Variants in SYNE1 observed in about 807,000 individuals in gnomAD.
The protein encoded by SYNE1 is spectrin repeat containing nuclear envelope protein 1, also known as nesprin-1.
In SYNE1, 616 loss-of-function variants were observed where a neutral mutation model predicts 1,111.0. That is an observed-to-expected ratio of 0.55 (90% CI 0.52 to 0.59). SYNE1 has a LOEUF of 0.59. Among genes scored for constraint, SYNE1 ranks in the 20% least tolerant of loss-of-function variants. The pLI is 0.00. For synonymous variants in SYNE1, 3,855 were observed against 3,825.8 expected (o/e 1.01, Z -0.28); for missense variants, 10,006 against 10,417.0 (o/e 0.96, Z 1.72).
chr6:152,491,610 T>C (rs983790937), intron 11 of SYNE1, among the ~76,000 whole-genome samples: 1 of 152,170 alleles, frequency 6.6e-6, no homozygotes, highest in African/African-American at 2.4e-5. Flanking sequence ...AAAACAGCAC[T>C]TTTGATTTCT....
At chr6:152,397,612 T>A in intron 49 of SYNE1, among the ~76,000 whole-genome samples, 1 of 152,190 alleles carries the variant, frequency 6.6e-6, no homozygotes. Flanking sequence ...ACTATAACGA[T>A]CTTTCTATCG....
intron 126 of SYNE1, 140 bp downstream of exon 126, chr6:152,206,028 A>G: frequency 1.0e-6 from 1 of 982,958 alleles, no homozygotes; most frequent in South Asian, 1.5e-5. Flanking sequence ...ACAAAGTCTT[A>G]AATAAAACAC....
intron 98 of SYNE1, chr6:152,277,644 CTT>C (rs952605273): frequency 1.1e-4 from 24 of 222,546 alleles, no homozygotes; most frequent in Middle Eastern, 1.8e-3. Flanking sequence ...AACGTGTAAA[CTT>C]ATTATTTTTC....
intron 70 of SYNE1, 78 bp downstream of exon 70, chr6:152,351,949 A>T (rs1366099047): frequency 1.5e-5 from 20 of 1,366,310 alleles, no homozygotes; most frequent in Non-Finnish European, 2.1e-5. Context: ...TACGGGTGAC[A>T]CCCAGCAAGA....
rs148030804 is a variant in SYNE1, at chr6:152,427,848, T to C, written c.4977-32A>G. On this transcript the variant is annotated intron_variant, in intron 37 of 145. Transcript: ENST00000367255. ...GAAGCAGAGAGCAGAAACAAATTTA[T>C]TGAAAATTATCATGCTAGCAGATTA... 646 of 1,613,724 alleles carry C rather than the reference T, an allele frequency of 4.0e-4. 4 individuals are homozygous for C. In the Admixed American group the frequency reaches 9.5e-3, roughly 24 times the overall value.
In SYNE1 at chr6:152,430,666, CCT is replaced by C; in HGVS notation, c.4503_4504del (p.Gly1502IlefsTer21). 1 of 1,614,078 alleles carries C rather than the reference CCT, an allele frequency of 6.2e-7. No homozygotes were observed. Among genetic ancestry groups the C allele is most frequent in the Non-Finnish European group, 8.5e-7 (1 of 1,179,982 alleles). On this transcript the variant is annotated frameshift_variant, in exon 35 of 146. Coordinates refer to ENST00000367255, the MANE Select transcript of SYNE1 (RefSeq NM_182961.4). LOFTEE classifies it high-confidence loss of function. ...AAAAGACTGGGCTTCTTCTTCTAATCCTACAATGCTGCTGAGCTTACTTTCTA... is the reference window on the plus strand; with the variant it reads ...AAAAGACTGGGCTTCTTCTTCTAATCACAATGCTGCTGAGCTTACTTTCTA...
chr6:152,351,492 T>C (rs1173820254), intron 70 of SYNE1, among the ~76,000 whole-genome samples: 1 of 152,266 alleles, frequency 6.6e-6, no homozygotes, highest in Non-Finnish European at 1.5e-5. Flanking sequence ...GTGGGTGAAG[T>C]ACCTGTGTCT....
chr6:152,505,132 A>T, intron 9 of SYNE1, 69 bp downstream of exon 9: 1 of 1,547,568 alleles, frequency 6.5e-7, no homozygotes, highest in Non-Finnish European at 8.9e-7. Context: ...AGTCATGTGT[A>T]TTTCTGGGTT....
intron 108 of SYNE1, among the ~76,000 whole-genome samples, chr6:152,239,238 C>A (rs1474264667): frequency 6.6e-6 from 1 of 152,036 alleles, no homozygotes; most frequent in Non-Finnish European, 1.5e-5. Context: ...TTTTCATACT[C>A]TTAAGTAAGC....
Position 152,157,118 on chromosome 6 carries a change from C to T in SYNE1, c.23791-1021G>A, listed in dbSNP as rs548617567. Reference sequence around the variant, plus strand: ...CTGGGATTACAAGTGTGAGCCACCACGCCCAGCTGATTTGCATTCTTTTTT... The same window carrying T: ...CTGGGATTACAAGTGTGAGCCACCATGCCCAGCTGATTTGCATTCTTTTTT... On this transcript the variant is annotated intron_variant, in intron 131 of 145. Coordinates refer to ENST00000367255, the MANE Select transcript of SYNE1 (RefSeq NM_182961.4). 7.9e-5 allele frequency among the ~76,000 whole-genome samples: 12 copies of T among 152,306 alleles called. No homozygotes were observed. In the South Asian group the frequency reaches 1.2e-3, roughly 16 times the overall value.
At chr6:152,137,798 C>A (rs548276238) in intron 140 of SYNE1, among the ~76,000 whole-genome samples, 1 of 152,184 alleles carries the variant, frequency 6.6e-6, no homozygotes, top group Admixed American at 6.5e-5. Flanking sequence ...ACCACACAGA[C>A]AACATGGGTT....
chr6:152,534,032 T>A (rs2449115), intron 4 of SYNE1, among the ~76,000 whole-genome samples: 49,111 of 151,404 alleles, frequency 0.32, 8,417 homozygotes, highest in African/African-American at 0.43. Flanking sequence ...GGCGGTGGGC[T>A]CCTGTAATCC....
At chr6:152,442,473 C>T (rs576194907) in intron 30 of SYNE1, among the ~76,000 whole-genome samples, 26 of 152,166 alleles carry the variant, frequency 1.7e-4, no homozygotes, top group African/African-American at 4.8e-4. Context: ...ATTTGGCTTT[C>T]GTGTTTTGTG....
At chr6:152,188,785 C>T (rs1012572917) in intron 128 of SYNE1, among the ~76,000 whole-genome samples, 4 of 150,866 alleles carry the variant, frequency 2.7e-5, no homozygotes, top group African/African-American at 9.7e-5. Flanking sequence ...GGTGAAACCC[C>T]ATCCCTACTA....
Position 152,311,159 on chromosome 6 carries a change from G to A in SYNE1, c.16711-286C>T, listed in dbSNP as rs139575022. On this transcript the variant is annotated intron_variant, in intron 87 of 145. Coordinates refer to ENST00000367255, the MANE Select transcript of SYNE1 (RefSeq NM_182961.4). ...TCGGTCAAGCCCAAGCTGCCCCCTC[G>A]TGAGAACAGGACATAGGAATTCTAG... 402 of 462,780 alleles carry A rather than the reference G, an allele frequency of 8.7e-4. 6 individuals are homozygous for A. The East Asian group carries it at 0.015, about 17-fold the overall frequency. 28.7% of individuals were successfully genotyped at this position (462,780 alleles called of 1,614,324 possible). A position where few individuals can be genotyped will look rare whatever the true frequency, so the allele number is the denominator to read the frequency against.
intron 84 of SYNE1, 126 bp from the exon 85 acceptor site, chr6:152,319,141 C>T: frequency 7.5e-7 from 1 of 1,324,770 alleles, no homozygotes; most frequent in Non-Finnish European, 1.0e-6. Flanking sequence ...CTGGTCACAC[C>T]AGCGATGTGC....
At chr6:152,360,919 G>A (rs989388347) in intron 64 of SYNE1, among the ~76,000 whole-genome samples, 2 of 152,132 alleles carry the variant, frequency 1.3e-5, no homozygotes, top group African/African-American at 4.8e-5. Context: ...AAGTGTTGAG[G>A]ATATAAAGAA....
chr6:152,635,991 G>A (rs1262387288), intron 2 of SYNE1, among the ~76,000 whole-genome samples: 1 of 152,248 alleles, frequency 6.6e-6, no homozygotes, highest in Non-Finnish European at 1.5e-5. Flanking sequence ...CTGCCCGTTG[G>A]GATGCACCTG....
intron 128 of SYNE1, among the ~76,000 whole-genome samples, chr6:152,185,080 T>C (rs745725167): frequency 2.0e-5 from 3 of 152,128 alleles, no homozygotes; most frequent in Non-Finnish European, 4.4e-5. Context: ...CATGATGTTT[T>C]GACAAAACAA....
Sources: allele counts gnomAD v4.1 joint callset (sites outside exome capture counted in the v4.1 genomes callset), GRCh38; gene constraint gnomAD v4.1.1; transcripts MANE v1.5; gene names NCBI Gene and HGNC (gene_info 2026-07-23, HGNC 2026-07-21).